Variants in EML5 observed in about 807,000 individuals in gnomAD.
EML5 encodes the protein echinoderm microtubule-associated protein-like 5.
In EML5, 120 loss-of-function variants were observed where a neutral mutation model predicts 250.0. The ratio of observed to expected loss-of-function variants is 0.48; its 90% CI spans 0.41 to 0.56. The LOEUF (loss-of-function observed/expected upper bound fraction) is 0.56. Ranked by LOEUF, EML5 falls within the 20% of genes least tolerant of loss-of-function variation. The pLI, the probability that EML5 is intolerant of heterozygous loss-of-function variation, is 0.00. For synonymous variants in EML5, 771 were observed against 806.5 expected, an observed-to-expected ratio of 0.96 and a Z score of 0.75; for missense variants, 2,006 against 2,437.6, an observed-to-expected ratio of 0.82 and a Z score of 3.73.
In EML5 at chr14:88,706,369, G is replaced by T; in HGVS notation, c.1715C>A (p.Ser572Ter). The change falls in exon 11 of 44, where the codon TCA becomes TAA. Residue 572 changes from serine (S) to a stop codon, truncating the protein, a stop_gained. Transcript: ENST00000554922. LOFTEE classifies it high-confidence loss of function. ...AGAAATAACCCACTGATAATCATGT[G>T]ACCATCTGACATTAGTTACGTGAGC... The part of the protein sequence containing the change: ...HSAHVTNVRW[S>*]HDYQWVISIG... 1 of 1,609,080 alleles carries T rather than the reference G, an allele frequency of 6.2e-7. No individual in the cohort carries two copies.
chr14:88,760,100 A>G (rs1199208809), intron 1 of EML5, among the ~76,000 whole-genome samples: 1 of 152,144 alleles, frequency 6.6e-6, no homozygotes, highest in African/African-American at 2.4e-5. Context: ...GGGACTTGCA[A>G]ATATTTTCTC....
intron 27 of EML5, among the ~76,000 whole-genome samples, chr14:88,656,113 C>T (rs1008552250): frequency 6.6e-6 from 1 of 152,208 alleles, no homozygotes; most frequent in African/African-American, 2.4e-5. Flanking sequence ...AATCCCATTA[C>T]TGGGTATATA....
At chr14:88,747,903 A>G (rs1234226631) in intron 2 of EML5, among the ~76,000 whole-genome samples, 1 of 152,158 alleles carries the variant, frequency 6.6e-6, no homozygotes, top group Non-Finnish European at 1.5e-5. Context: ...CCCCTGCCAT[A>G]AACAGCTAGA....
chr14:88,705,052 A>G, intron 12 of EML5, 74 bp from the exon 13 acceptor site: 2 of 957,532 alleles, frequency 2.1e-6, no homozygotes, highest in Non-Finnish European at 3.1e-6. Flanking sequence ...TCCCAATATA[A>G]CTTTCAGACA....
At chr14:88,640,534 T>C (rs1435423065) in intron 31 of EML5, among the ~76,000 whole-genome samples, 2 of 152,280 alleles carry the variant, frequency 1.3e-5, no homozygotes, top group East Asian at 3.9e-4. Flanking sequence ...TACCAAAATC[T>C]TTGGCATGTA....
intron 26 of EML5, 125 bp downstream of exon 26, chr14:88,658,062 C>T (rs2091937100): frequency 1.1e-6 from 1 of 920,994 alleles, no homozygotes; most frequent in Non-Finnish European, 1.6e-6. Context: ...TGATGTTAAA[C>T]AGACTAAAAA....
chr14:88,715,368 T>C lies in EML5; in HGVS notation c.1188-173A>G, dbSNP rs368207168. Among the ~76,000 whole-genome samples, 3 of 152,218 alleles carry C rather than the reference T, an allele frequency of 2.0e-5. 1 individual carries two copies. Among genetic ancestry groups the C allele is most frequent in the African/African-American group, 7.2e-5 (3 of 41,532 alleles). On this transcript the variant is annotated intron_variant, in intron 8 of 43. Transcript: ENST00000554922. Reference sequence around the variant, plus strand: ...GCAACAATACGTTGCTGAACAGAAATACATGGAAACAATATATGCCAGATG... The same window carrying C: ...GCAACAATACGTTGCTGAACAGAAACACATGGAAACAATATATGCCAGATG...
At chr14:88,788,917 C>T (rs1166694456) in intron 1 of EML5, among the ~76,000 whole-genome samples, 1 of 151,162 alleles carries the variant, frequency 6.6e-6, no homozygotes, top group Non-Finnish European at 1.5e-5. Flanking sequence ...AAAAAAATAG[C>T]CCAGCATCAT....
chr14:88,710,095 G>A (rs1425532588), intron 10 of EML5, among the ~76,000 whole-genome samples: 1 of 152,064 alleles, frequency 6.6e-6, no homozygotes, highest in African/African-American at 2.4e-5. Flanking sequence ...CCTGCTCACT[G>A]TCCACCACAG....
chr14:88,740,399 T>C lies in EML5; in HGVS notation c.699A>G (p.Gln233=). 6.2e-7 allele frequency: 1 copy of C among 1,609,904 alleles called. No individual in the cohort carries two copies. Among genetic ancestry groups the C allele is most frequent in the South Asian group, 1.1e-5 (1 of 90,436 alleles). The change falls in exon 5 of 44, where the codon CAA becomes CAG. Residue 233 remains glutamine (Q), a synonymous_variant. Transcript: ENST00000554922. The part of the protein sequence containing the change: ...WKGINLIRTI[Q]GAHAAGIFSM... ...TAAATGTACTTACAGCATGGGCTCC[T>C]TGTATTGTTCGTATAAGATTGATTC...
intron 8 of EML5, among the ~76,000 whole-genome samples, chr14:88,717,955 C>A (rs1365990552): frequency 1.3e-5 from 2 of 152,138 alleles, no homozygotes; most frequent in East Asian, 1.9e-4. Flanking sequence ...AGATATAATT[C>A]TAATCTTATT....
intron 34 of EML5, chr14:88,627,367 A>G: frequency 2.2e-6 from 1 of 461,240 alleles, no homozygotes; most frequent in South Asian, 3.5e-5. Flanking sequence ...CAATCAAATC[A>G]TTAATAATAA....
intron 14 of EML5, among the ~76,000 whole-genome samples, chr14:88,701,134 A>C (rs144695064): frequency 2.8e-4 from 43 of 152,250 alleles, no homozygotes; most frequent in African/African-American, 1.0e-3. Flanking sequence ...GGCTTTGTAC[A>C]TATTTCTACA....
chr14:88,788,054 C>T (rs1193576510), intron 1 of EML5, among the ~76,000 whole-genome samples: 1 of 152,156 alleles, frequency 6.6e-6, no homozygotes, highest in Non-Finnish European at 1.5e-5. Context: ...GCTCTTCAAA[C>T]TATTTTGAAG....
At position 88,612,686 on chromosome 14, in the gene EML5, A is replaced by T. The variant is rs1013872013; in HGVS notation, c.*3132T>A. 6.6e-6 allele frequency: 1 copy of T among 152,640 alleles called. No individual in the cohort carries two copies. The highest frequency in any genetic ancestry group is 1.5e-5 in the Non-Finnish European group (1 of 68,026). The allele number at this position is 152,640 out of a possible 1,614,324, so 9.5% of individuals were successfully genotyped here. On this transcript the variant is annotated 3_prime_UTR_variant, in exon 44 of 44. Coordinates refer to ENST00000554922, the MANE Select transcript of EML5 (RefSeq NM_183387.3). ...AATGTAAAAATTAGATTTAAATAGT[A>T]TATTTTAAATGACAGAACTATAATT...
intron 3 of EML5, among the ~76,000 whole-genome samples, chr14:88,745,825 T>C (rs1175133423): frequency 1.3e-5 from 2 of 152,274 alleles, no homozygotes; most frequent in East Asian, 3.9e-4. Context: ...TTAAAAGTCT[T>C]ATACCTAATG....
intron 1 of EML5, among the ~76,000 whole-genome samples, chr14:88,791,517 C>T (rs1243456510): frequency 6.6e-6 from 1 of 152,088 alleles, no homozygotes; most frequent in Non-Finnish European, 1.5e-5. Context: ...TCAAATATAC[C>T]GCTCACTAAA....
rs904940509 is a variant in EML5 at position 88,613,187 on chromosome 14, T to A, written c.*2631A>T. The stretch of plus-strand genomic sequence containing the variant: ...GCTGTGCTGATCCCACAGGAAAGGC[T>A]TGAAACACGAGAAGCAGCAAAGACA... On this transcript the variant is annotated 3_prime_UTR_variant, in exon 44 of 44. Transcript: ENST00000554922. 1 of 152,156 alleles carries A rather than the reference T, an allele frequency of 6.6e-6. No homozygotes were observed. The highest frequency in any genetic ancestry group is 2.4e-5 in the African/African-American group (1 of 41,436). 9.4% of individuals were successfully genotyped at this position (152,156 alleles called of 1,614,324 possible).
At chr14:88,729,706 T>C (rs1020954539) in intron 7 of EML5, among the ~76,000 whole-genome samples, 5 of 151,884 alleles carry the variant, frequency 3.3e-5, no homozygotes, top group Admixed American at 6.6e-5. Flanking sequence ...ATTACAAGCA[T>C]GTGCCACCAT....
Sources: gnomAD v4.1 joint callset for allele counts (sites outside exome capture counted in the v4.1 genomes callset) on GRCh38, gnomAD v4.1.1 for gene constraint, MANE v1.5 for transcripts, NCBI Gene and HGNC (gene_info 2026-07-23, HGNC 2026-07-21) for gene names.